Variants in PSMA1 observed in about 807,000 individuals in gnomAD.
PSMA1 encodes proteasome subunit alpha type-1.
PSMA1 carries 3 observed loss-of-function variants against 38.4 expected under a neutral mutation model. That is an observed-to-expected ratio of 0.08 (90% CI 0.04 to 0.20). PSMA1 has a LOEUF of 0.20. Among genes scored for constraint, PSMA1 ranks in the 10% least tolerant of loss-of-function variants. PSMA1 has a pLI of 1.00. For missense variants in PSMA1, 227 were observed against 325.3 expected (o/e 0.70, Z 2.32); for synonymous variants, 101 against 107.1 (o/e 0.94, Z 0.35).
At chr11:14,547,180 T>A (rs2134166980) in intron 2 of PSMA1, among the ~76,000 whole-genome samples, 1 of 152,340 alleles carries the variant, frequency 6.6e-6, no homozygotes. Flanking sequence ...GATTTCTGGG[T>A]CCTCCTCTGA....
At chr11:14,559,577 A>T (rs1411849260) in intron 2 of PSMA1, among the ~76,000 whole-genome samples, 2 of 152,158 alleles carry the variant, frequency 1.3e-5, no homozygotes, top group Admixed American at 1.3e-4. Flanking sequence ...TGACCACTAG[A>T]CGGAAGCAGA....
chr11:14,526,132 C>A (rs950332985), intron 2 of PSMA1, among the ~76,000 whole-genome samples: 1 of 152,152 alleles, frequency 6.6e-6, no homozygotes, highest in African/African-American at 2.4e-5. Context: ...CCAACACCTA[C>A]AAAACGACAA....
chr11:14,598,556 C>A (rs1219313742), intron 2 of PSMA1, among the ~76,000 whole-genome samples: 2 of 148,704 alleles, frequency 1.3e-5, no homozygotes, highest in African/African-American at 5.1e-5. Flanking sequence ...TTATCAGAGA[C>A]TAGGATTGCA....
intron 4 of PSMA1, among the ~76,000 whole-genome samples, chr11:14,516,078 C>A: frequency 6.6e-6 from 1 of 151,704 alleles, no homozygotes; most frequent in East Asian, 2.0e-4. Flanking sequence ...GGTGTGGTGG[C>A]ACATGCTTGT....
intron 2 of PSMA1, among the ~76,000 whole-genome samples, chr11:14,536,034 C>G (rs1346522067): frequency 1.3e-5 from 2 of 152,170 alleles, no homozygotes; most frequent in Non-Finnish European, 2.9e-5. Flanking sequence ...AAGAGCCACT[C>G]TGAAGTGTCC....
chr11:14,515,831 G>C (rs1851416668), intron 4 of PSMA1, among the ~76,000 whole-genome samples: 1 of 151,904 alleles, frequency 6.6e-6, no homozygotes, highest in Non-Finnish European at 1.5e-5. Context: ...TGGGATTACA[G>C]GCATGAGACA....
chr11:14,537,560 T>C (rs1565039716), intron 2 of PSMA1, among the ~76,000 whole-genome samples: 1 of 151,260 alleles, frequency 6.6e-6, no homozygotes, highest in African/African-American at 2.4e-5. Context: ...TTTTTTTTTT[T>C]CAGTTTCACT....
In PSMA1 at chr11:14,617,723, A is replaced by G. The variant is rs79242495; in HGVS notation, c.-165-6572T>C. Among the ~76,000 whole-genome samples the G allele has an allele frequency of 9.7e-3, 1,406 of 145,358 alleles. 22 individuals are homozygous for G. The highest frequency in any genetic ancestry group is 0.031 in the African/African-American group (1,206 of 38,548). ...TGTGTGTGTGTGTGTGTGTGTGTGTATATGGGGTTAACAAGTGAGCTGGAC... is the reference window on the plus strand; with the variant it reads ...TGTGTGTGTGTGTGTGTGTGTGTGTGTATGGGGTTAACAAGTGAGCTGGAC... On this transcript the variant is annotated intron_variant, in intron 1 of 10. Transcript: ENST00000418988.
At chr11:14,575,705 T>C (rs575857194) in intron 2 of PSMA1, among the ~76,000 whole-genome samples, 102 of 152,314 alleles carry the variant, frequency 6.7e-4, no homozygotes, top group African/African-American at 2.2e-3. Flanking sequence ...TTGTGAATAG[T>C]GCCGCAATAA....
chr11:14,554,873 A>C (rs2134170463), intron 2 of PSMA1, among the ~76,000 whole-genome samples: 1 of 152,328 alleles, frequency 6.6e-6, no homozygotes, highest in South Asian at 2.1e-4. Flanking sequence ...ACTGAGTACA[A>C]AGTAGTTAAG....
At chr11:14,608,351 T>TTA (rs958292314) in intron 2 of PSMA1, among the ~76,000 whole-genome samples, 81 of 148,920 alleles carry the variant, frequency 5.4e-4, no homozygotes, top group South Asian at 1.7e-3. Flanking sequence ...CCTGTCTCTA[T>TTA]TATATATATA....
At chr11:14,629,952 T>C (rs1283053327) in intron 1 of PSMA1, among the ~76,000 whole-genome samples, 1 of 152,184 alleles carries the variant, frequency 6.6e-6, no homozygotes, top group Non-Finnish European at 1.5e-5. Flanking sequence ...AGTTCACTCA[T>C]GATTTGGCTC....
upstream of PSMA1, among the ~76,000 whole-genome samples, chr11:14,524,991 C>G (rs1339580144): frequency 6.6e-6 from 1 of 152,056 alleles, no homozygotes; most frequent in Non-Finnish European, 1.5e-5. Context: ...CCTGGACCAT[C>G]ACACTTACAG....
chr11:14,627,576 T>A (rs1282552876), intron 1 of PSMA1, among the ~76,000 whole-genome samples: 1 of 152,198 alleles, frequency 6.6e-6, no homozygotes, highest in Non-Finnish European at 1.5e-5. Flanking sequence ...GTGTAATCTT[T>A]GACAAATTAC....
chr11:14,560,285 C>A (rs982870110), intron 2 of PSMA1, among the ~76,000 whole-genome samples: 1 of 152,106 alleles, frequency 6.6e-6, no homozygotes, highest in Non-Finnish European at 1.5e-5. Flanking sequence ...TGGTTAGACT[C>A]TTTTTTCTGG....
At chr11:14,636,460 C>A (rs1018506779) in intron 1 of PSMA1, among the ~76,000 whole-genome samples, 1 of 152,196 alleles carries the variant, frequency 6.6e-6, no homozygotes, top group Non-Finnish European at 1.5e-5. Flanking sequence ...TTGTCCCTTA[C>A]ATGTTTGTAT....
chr11:14,546,359 A>G (rs974200920), intron 2 of PSMA1, among the ~76,000 whole-genome samples: 1 of 152,008 alleles, frequency 6.6e-6, no homozygotes, highest in African/African-American at 2.4e-5. Context: ...TATACAGCAA[A>G]TGATGTTAGA....
chr11:14,628,566 T>C lies in PSMA1; in HGVS notation c.-166+14889A>G, dbSNP rs1311655279. Among the ~76,000 whole-genome samples the C allele has an allele frequency of 1.2e-4, 18 of 150,612 alleles. No individual in the cohort carries two copies. The East Asian group carries it at 2.7e-3, about 23-fold the overall frequency. ...CACATTTTCTTCATCCAGTCTATCA[T>C]TGTTGGACATTTGGGTTGGTTCCAA... On this transcript the variant is annotated intron_variant, in intron 1 of 10. Transcript: ENST00000418988.
chr11:14,629,502 G>T (rs954105747), intron 1 of PSMA1, among the ~76,000 whole-genome samples: 1 of 151,094 alleles, frequency 6.6e-6, no homozygotes, highest in Non-Finnish European at 1.5e-5. Context: ...ATTTCTGAGG[G>T]CTCTGTTCTG....
Sources: allele counts gnomAD v4.1 joint callset (sites outside exome capture counted in the v4.1 genomes callset), GRCh38; gene constraint gnomAD v4.1.1; transcripts MANE v1.5; gene names NCBI Gene and HGNC (gene_info 2026-07-23, HGNC 2026-07-21).